The following CASK variants were observed in gnomAD, a reference collection of about 807,000 sequenced individuals.
CASK encodes the protein calcium/calmodulin dependent serine protein kinase.
In CASK, 4 loss-of-function variants were observed where a neutral mutation model predicts 82.9. That is an observed-to-expected ratio of 0.05 (90% CI 0.02 to 0.11). The LOEUF is 0.11. Ranked by LOEUF, CASK falls within the 10% of genes least tolerant of loss-of-function variation. The pLI is 1.00. For synonymous variants in CASK, 259 were observed against 253.5 expected, an observed-to-expected ratio of 1.02 and a Z score of -0.20; for missense variants, 358 against 720.9, an observed-to-expected ratio of 0.50 and a Z score of 5.76.
intron 10 of CASK, among the ~76,000 whole-genome samples, chrX:41,623,550 C>T (rs968981473): frequency 9.0e-6 from 1 of 110,888 alleles, no homozygotes; most frequent in African/African-American, 3.3e-5. Flanking sequence ...AGGTGGATTA[C>T]AGGCGCGTGG....
chrX:41,633,820 C>T lies in CASK; in HGVS notation c.915+2758G>A, dbSNP rs966195670. Among the ~76,000 whole-genome samples the T allele has an allele frequency of 2.8e-5, 3 of 108,600 alleles. No homozygotes were observed. In the Admixed American group the frequency reaches 3.0e-4, roughly 11 times the overall value. The allele number at this position is 108,600 out of a possible 115,157, so 94.3% of individuals were successfully genotyped here. ...TGTCACCCAGGCTGGAGTGCAGTGG[C>T]GTGATCTTGGCTCACTGCAACCTCC... On this transcript the variant is annotated intron_variant, in intron 9 of 26. Transcript: ENST00000378163.
intron 13 of CASK, chrX:41,587,284 G>A (rs1209801659): frequency 1.1e-5 from 2 of 177,848 alleles, no homozygotes; most frequent in Admixed American, 7.4e-5. Flanking sequence ...GAAACTTAAC[G>A]GAAGAGTATC....
chrX:41,872,185 A>G (rs1489703701), intron 1 of CASK, among the ~76,000 whole-genome samples: 1 of 112,850 alleles, frequency 8.9e-6, no homozygotes, highest in Non-Finnish European at 1.9e-5. Flanking sequence ...AGATTAAAAT[A>G]TTTACCGTCT....
intron 3 of CASK, among the ~76,000 whole-genome samples, chrX:41,779,843 A>G (rs1448122861): frequency 9.0e-6 from 1 of 110,515 alleles, no homozygotes; most frequent in African/African-American, 3.3e-5. Flanking sequence ...TAAATACTAG[A>G]CCAAAAAAAA....
At chrX:41,568,519 A>T (rs1478007099) in intron 16 of CASK, among the ~76,000 whole-genome samples, 1 of 110,981 alleles carries the variant, frequency 9.0e-6, no homozygotes, top group Non-Finnish European at 1.9e-5. Flanking sequence ...CTCTGGGGGT[A>T]AGGAAAGAGG....
intron 2 of CASK, among the ~76,000 whole-genome samples, chrX:41,820,574 A>G (rs916139888): frequency 9.0e-6 from 1 of 111,192 alleles, no homozygotes; most frequent in African/African-American, 3.3e-5. Flanking sequence ...TAAGATTTCC[A>G]TTCTCCCCAA....
chrX:41,716,394 C>G (rs2068062231), intron 5 of CASK, among the ~76,000 whole-genome samples: 2 of 112,613 alleles, frequency 1.8e-5, no homozygotes, highest in African/African-American at 6.5e-5. Flanking sequence ...TGCTCACATT[C>G]AACATGAGTG....
chrX:41,718,910 G>A (rs1235229349), intron 5 of CASK, among the ~76,000 whole-genome samples: 2 of 112,078 alleles, frequency 1.8e-5, no homozygotes, highest in Non-Finnish European at 3.8e-5. Flanking sequence ...TGCAGGCTGG[G>A]CTGAGCAAAG....
chrX:41,679,391 G>A lies in CASK; in HGVS notation c.430-7861C>T, dbSNP rs764018289. 3.6e-5 allele frequency among the ~76,000 whole-genome samples: 4 copies of A among 111,665 alleles called. No individual in the cohort carries two copies. The South Asian group carries it at 1.5e-3, about 41-fold the overall frequency. On this transcript the variant is annotated intron_variant, in intron 5 of 26. Transcript: ENST00000378163. ...CGTAAGTATGTATTCTTTTATGTAAGGCTTCTGTCATTCAGCATGTTCTGA... is the reference window on the plus strand; with the variant it reads ...CGTAAGTATGTATTCTTTTATGTAAAGCTTCTGTCATTCAGCATGTTCTGA...
At chrX:41,821,503 G>A (rs143725321) in intron 2 of CASK, among the ~76,000 whole-genome samples, 38 of 111,940 alleles carry the variant, frequency 3.4e-4, no homozygotes, top group African/African-American at 1.2e-3. Context: ...ATGGAAAATA[G>A]TTTGGCAGTT....
intron 5 of CASK, among the ~76,000 whole-genome samples, chrX:41,672,914 T>C (rs774103386): frequency 2.9e-4 from 32 of 112,277 alleles, no homozygotes; most frequent in Non-Finnish European, 5.6e-4. Flanking sequence ...TGCTGTTAGT[T>C]AGAACTTTCT....
At chrX:41,856,651 C>T (rs946858652) in intron 1 of CASK, among the ~76,000 whole-genome samples, 2 of 110,302 alleles carry the variant, frequency 1.8e-5, no homozygotes, top group Non-Finnish European at 3.8e-5. Flanking sequence ...AAAAAAGTAG[C>T]TGGGCTTGGT....
chrX:41,669,604 G>A (rs1450539813), intron 6 of CASK, among the ~76,000 whole-genome samples: 1 of 112,061 alleles, frequency 8.9e-6, no homozygotes, highest in Non-Finnish European at 1.9e-5. Flanking sequence ...TACCAGAATT[G>A]AGAGAGTTAG....
intron 2 of CASK, among the ~76,000 whole-genome samples, chrX:41,846,948 G>T (rs747333461): frequency 2.7e-5 from 3 of 111,059 alleles, no homozygotes; most frequent in Non-Finnish European, 5.7e-5. Context: ...TTATCCTGTT[G>T]CCTTTCAGTA....
intron 3 of CASK, among the ~76,000 whole-genome samples, chrX:41,780,590 T>G (rs1226568798): frequency 8.9e-6 from 1 of 112,121 alleles, no homozygotes; most frequent in African/African-American, 3.2e-5. Context: ...TCTCTGTTTT[T>G]AAGCATGCTT....
chrX:41,673,035 C>T (rs1437116970), intron 5 of CASK, among the ~76,000 whole-genome samples: 1 of 111,894 alleles, frequency 8.9e-6, no homozygotes, highest in Non-Finnish European at 1.9e-5. Context: ...GAACATGATA[C>T]AGAAGAAAAA....
At chrX:41,538,645 C>T (rs2064907705) in intron 22 of CASK, among the ~76,000 whole-genome samples, 1 of 111,923 alleles carries the variant, frequency 8.9e-6, no homozygotes. Flanking sequence ...CTCATATTAC[C>T]CTGATTTTCT....
chrX:41,689,880 C>G (rs1472000490), intron 5 of CASK: 1 of 111,178 alleles, frequency 9.0e-6, no homozygotes, highest in African/African-American at 3.3e-5. Flanking sequence ...CAAACATACC[C>G]AAACTGCATT....
At chrX:41,916,846 G>A (rs766951741) in intron 1 of CASK, among the ~76,000 whole-genome samples, 35 of 111,956 alleles carry the variant, frequency 3.1e-4, no homozygotes, top group Middle Eastern at 4.6e-3. Context: ...AAGGGAAATG[G>A]AAGAAAAAAT....
Sources: gnomAD v4.1 joint callset for allele counts (sites outside exome capture counted in the v4.1 genomes callset) on GRCh38, gnomAD v4.1.1 for gene constraint, MANE v1.5 for transcripts, NCBI Gene and HGNC (gene_info 2026-07-23, HGNC 2026-07-21) for gene names.